The following PKHD1 variants were observed in gnomAD, a reference collection of about 807,000 sequenced individuals.
PKHD1 encodes fibrocystin.
PKHD1 carries 291 observed loss-of-function variants against 412.0 expected under a neutral mutation model. The ratio of observed to expected loss-of-function variants is 0.71; its 90% CI spans 0.64 to 0.78. The LOEUF is 0.78. PKHD1 is among the 30% of genes least tolerant of loss of function. The pLI is 0.00. For missense variants in PKHD1, 4,825 were observed against 4,950.7 expected, an observed-to-expected ratio of 0.97 and a Z score of 0.76; for synonymous variants, 1,777 against 1,821.5, an observed-to-expected ratio of 0.98 and a Z score of 0.62.
chr6:51,953,068 GT>G (rs1007361431), intron 36 of PKHD1, among the ~76,000 whole-genome samples: 4 of 152,234 alleles, frequency 2.6e-5, no homozygotes, highest in Admixed American at 6.6e-5. Context: ...TCAGGCTCCA[GT>G]TTGCTGACCA....
intron 49 of PKHD1, among the ~76,000 whole-genome samples, chr6:51,849,514 G>A (rs1771807708): frequency 6.6e-6 from 1 of 152,302 alleles, no homozygotes; most frequent in South Asian, 2.1e-4. Flanking sequence ...CCCACCAACA[G>A]TGTAAAAGCG....
chr6:51,666,398 T>A (rs1773782026), intron 60 of PKHD1, among the ~76,000 whole-genome samples: 1 of 152,208 alleles, frequency 6.6e-6, no homozygotes, highest in South Asian at 2.1e-4. Context: ...AATGTTGTAA[T>A]ATTTTTTATA....
intron 55 of PKHD1, among the ~76,000 whole-genome samples, chr6:51,756,775 G>A (rs1423416757): frequency 1.3e-5 from 2 of 151,944 alleles, no homozygotes; most frequent in East Asian, 3.9e-4. Flanking sequence ...ATTGTAGTTA[G>A]GGAAAAAAAA....
intron 35 of PKHD1, among the ~76,000 whole-genome samples, chr6:51,979,366 T>C (rs1189798471): frequency 6.6e-6 from 1 of 152,188 alleles, no homozygotes; most frequent in African/African-American, 2.4e-5. Context: ...GGTAGGTTTT[T>C]AATAAATATT....
chr6:52,050,421 A>G, intron 21 of PKHD1, 126 bp from the exon 22 acceptor site: 1 of 937,102 alleles, frequency 1.1e-6, no homozygotes, highest in Non-Finnish European at 1.7e-6. Flanking sequence ...ATTCCTACTT[A>G]TCTGCTGCCA....
intron 35 of PKHD1, among the ~76,000 whole-genome samples, chr6:51,964,020 G>A (rs1044922782): frequency 1.3e-5 from 2 of 151,984 alleles, no homozygotes; most frequent in Admixed American, 6.6e-5. Context: ...TGCCCAGAAC[G>A]TGACCTCATC....
At chr6:51,959,572 A>G (rs965906350) in intron 36 of PKHD1, among the ~76,000 whole-genome samples, 3 of 152,108 alleles carry the variant, frequency 2.0e-5, no homozygotes, top group Non-Finnish European at 4.4e-5. Flanking sequence ...GCTGTCCTGG[A>G]TAAGCATGAC....
At chr6:51,998,135 G>T (rs901462807) in intron 35 of PKHD1, among the ~76,000 whole-genome samples, 4 of 151,996 alleles carry the variant, frequency 2.6e-5, no homozygotes, top group African/African-American at 9.7e-5. Flanking sequence ...ATCCACTACA[G>T]ATGTTGGCAA....
chr6:51,699,587 T>C (rs1018484165), intron 60 of PKHD1, among the ~76,000 whole-genome samples: 1 of 152,146 alleles, frequency 6.6e-6, no homozygotes, highest in Non-Finnish European at 1.5e-5. Flanking sequence ...GTAAACAACC[T>C]GGACCAGGGC....
Position 52,054,124 on chromosome 6 carries a change from C to G in PKHD1, c.1878G>C (p.Lys626Asn), listed in dbSNP as rs778503110. ...AGCCGATTGTGAAGGACACAATCAT[C>G]TTCAGGATCTTGTTCATGTGGCCTT... ...AYKGHMNKIL[K>N]MIVSFTIGFQ... is the part of the protein sequence containing the mutation. Residue 626 changes from lysine (K) to asparagine (N), a missense_variant, in exon 20 of 67, where the codon AAG becomes AAC. By Grantham distance (94) the Lys-to-Asn change is moderately conservative (BLOSUM62 0). Transcript: ENST00000371117. 6.2e-7 allele frequency: 1 copy of G among 1,613,854 alleles called. No individual in the cohort carries two copies. Among genetic ancestry groups the G allele is most frequent in the Non-Finnish European group, 8.5e-7 (1 of 1,179,742 alleles).
chr6:51,857,132 T>C (rs1468273608), intron 48 of PKHD1, among the ~76,000 whole-genome samples: 2 of 151,944 alleles, frequency 1.3e-5, no homozygotes, highest in Non-Finnish European at 2.9e-5. Flanking sequence ...TAAGACTTCA[T>C]TAAAGCATAA....
intron 51 of PKHD1, among the ~76,000 whole-genome samples, chr6:51,832,873 A>G (rs9463726): frequency 0.44 from 67,096 of 151,686 alleles, 15,897 homozygotes; most frequent in Middle Eastern, 0.61. Flanking sequence ...TGGTCAAGCA[A>G]AAACCATAGG....
chr6:51,768,980 T>C (rs1165861523), intron 55 of PKHD1, among the ~76,000 whole-genome samples: 1 of 151,708 alleles, frequency 6.6e-6, no homozygotes, highest in African/African-American at 2.4e-5. Flanking sequence ...GTTCTTAATC[T>C]TCACATCTGG....
intron 13 of PKHD1, among the ~76,000 whole-genome samples, chr6:52,064,311 T>C (rs1291129122): frequency 2.0e-5 from 3 of 152,198 alleles, no homozygotes; most frequent in Non-Finnish European, 4.4e-5. Flanking sequence ...TCAGTTCTAA[T>C]GCTCAGCAGA....
intron 56 of PKHD1, among the ~76,000 whole-genome samples, 196 bp downstream of exon 56, chr6:51,754,588 C>A (rs1326577092): frequency 1.3e-5 from 2 of 152,028 alleles, no homozygotes; most frequent in African/African-American, 4.8e-5. Flanking sequence ...TGTATAACAT[C>A]CAAGTATTCT....
intron 34 of PKHD1, among the ~76,000 whole-genome samples, chr6:52,011,538 T>C (rs937626977): frequency 1.3e-5 from 2 of 152,144 alleles, no homozygotes; most frequent in African/African-American, 2.4e-5. Flanking sequence ...GAAATGCTGA[T>C]TGAACATCAG....
At chr6:52,045,268 C>A (rs1213080701) in intron 24 of PKHD1, among the ~76,000 whole-genome samples, 180 bp from the exon 25 acceptor site, 1 of 152,088 alleles carries the variant, frequency 6.6e-6, no homozygotes, top group East Asian at 1.9e-4. Context: ...TGAGGAAAGT[C>A]CCAGTAGATT....
chr6:51,635,630 C>A (rs114030074), intron 64 of PKHD1, among the ~76,000 whole-genome samples: 35 of 151,848 alleles, frequency 2.3e-4, no homozygotes, highest in Non-Finnish European at 8.8e-5. Context: ...GTGATAAGTG[C>A]ATAAAGAAAA....
chr6:51,690,979 T>TA (rs936522937), intron 60 of PKHD1, among the ~76,000 whole-genome samples: 2 of 151,580 alleles, frequency 1.3e-5, no homozygotes, highest in African/African-American at 4.8e-5. Context: ...AAAATCCCAT[T>TA]AAAAAATGGA....
Sources: gnomAD v4.1 joint callset for allele counts (sites outside exome capture counted in the v4.1 genomes callset) on GRCh38, gnomAD v4.1.1 for gene constraint, MANE v1.5 for transcripts, NCBI Gene and HGNC (gene_info 2026-07-23, HGNC 2026-07-21) for gene names.